Variants in ASIC2 observed in about 807,000 individuals in gnomAD.
The protein encoded by ASIC2 is acid sensing ion channel subunit 2.
Under a neutral mutation model 57.3 loss-of-function variants are expected in ASIC2, and 25 were observed. The ratio of observed to expected loss-of-function variants is 0.44; its 90% CI spans 0.32 to 0.61. ASIC2 has a LOEUF of 0.61. Among genes scored for constraint, ASIC2 ranks in the 20% least tolerant of loss-of-function variants. The pLI is 0.06. For synonymous variants in ASIC2, 319 were observed against 307.5 expected (o/e 1.04, Z -0.39); for missense variants, 641 against 738.1 (o/e 0.87, Z 1.52).
At chr17:33,712,880 C>T (rs919766181) in intron 1 of ASIC2, among the ~76,000 whole-genome samples, 2 of 151,758 alleles carry the variant, frequency 1.3e-5, no homozygotes, top group Non-Finnish European at 2.9e-5. Context: ...CTCCTGACCT[C>T]GTGATCCGCC....
At chr17:33,405,457 C>CCTTT (rs146368861) in intron 1 of ASIC2, among the ~76,000 whole-genome samples, 1 of 150,282 alleles carries the variant, frequency 6.7e-6, no homozygotes, top group South Asian at 2.1e-4. Context: ...AGATAGCACT[C>CCTTT]CTTTCTTTCT....
intron 1 of ASIC2, among the ~76,000 whole-genome samples, chr17:33,490,214 C>A (rs889213035): frequency 6.6e-6 from 1 of 152,310 alleles, no homozygotes; most frequent in East Asian, 1.9e-4. Flanking sequence ...GCCTGCAAGG[C>A]CCAAAATATT....
intron 1 of ASIC2, among the ~76,000 whole-genome samples, chr17:33,512,089 A>G (rs1024027917): frequency 5.3e-5 from 8 of 152,176 alleles, no homozygotes; most frequent in Non-Finnish European, 1.0e-4. Context: ...GCTTAATAGT[A>G]GGTAGTATTG....
At chr17:33,952,567 TTGA>T (rs1327339711) in intron 1 of ASIC2, among the ~76,000 whole-genome samples, 1 of 152,218 alleles carries the variant, frequency 6.6e-6, no homozygotes, top group Non-Finnish European at 1.5e-5. Flanking sequence ...GCCTGGGTCC[TTGA>T]TGATATCATC....
intron 1 of ASIC2, among the ~76,000 whole-genome samples, chr17:33,332,125 T>C (rs1234302602): frequency 1.3e-5 from 2 of 152,234 alleles, no homozygotes; most frequent in African/African-American, 4.8e-5. Context: ...GTTGACCAAG[T>C]GGTGCCTGCA....
intron 1 of ASIC2, among the ~76,000 whole-genome samples, chr17:33,430,770 TA>T (rs1911384443): frequency 6.6e-6 from 1 of 152,146 alleles, no homozygotes; most frequent in African/African-American, 2.4e-5. Flanking sequence ...AACAAACGAT[TA>T]AAAAACTGTA....
intron 1 of ASIC2, among the ~76,000 whole-genome samples, chr17:33,995,199 T>G (rs1567781681): frequency 6.6e-6 from 1 of 152,314 alleles, no homozygotes; most frequent in East Asian, 1.9e-4. Flanking sequence ...ATTTTATCTC[T>G]CTGATAAATT....
intron 1 of ASIC2, among the ~76,000 whole-genome samples, chr17:33,211,291 C>G (rs1018989515): frequency 2.0e-5 from 3 of 152,096 alleles, no homozygotes; most frequent in African/African-American, 7.2e-5. Context: ...GAGCTGTGCT[C>G]ACCTTTCCCA....
At chr17:33,938,647 G>A (rs1343356702) in intron 1 of ASIC2, among the ~76,000 whole-genome samples, 1 of 151,752 alleles carries the variant, frequency 6.6e-6, no homozygotes, top group African/African-American at 2.4e-5. Context: ...CAAACAATTA[G>A]CATAGGGTGG....
At chr17:33,626,615 A>T (rs1439445266) in intron 1 of ASIC2, among the ~76,000 whole-genome samples, 2 of 152,106 alleles carry the variant, frequency 1.3e-5, no homozygotes, top group Middle Eastern at 3.2e-3. Context: ...AGGGGAGGGG[A>T]TGCCCTAATC....
intron 1 of ASIC2, among the ~76,000 whole-genome samples, chr17:33,691,421 T>C (rs1908364687): frequency 6.6e-6 from 1 of 152,224 alleles, no homozygotes; most frequent in Admixed American, 6.5e-5. Context: ...GCCAGTGTGA[T>C]AGGAAAAACA....
intron 1 of ASIC2, among the ~76,000 whole-genome samples, chr17:33,318,535 C>T (rs1462485786): frequency 6.6e-6 from 1 of 152,234 alleles, no homozygotes; most frequent in Non-Finnish European, 1.5e-5. Flanking sequence ...AAATAGTTTT[C>T]CAGGGGAGAA....
intron 1 of ASIC2, among the ~76,000 whole-genome samples, chr17:33,158,349 C>T (rs943497785): frequency 6.6e-6 from 1 of 152,186 alleles, no homozygotes; most frequent in Non-Finnish European, 1.5e-5. Context: ...GACTTCTGAG[C>T]AGCGGCTAGT....
chr17:33,958,497 C>A (rs1904814194), intron 1 of ASIC2, among the ~76,000 whole-genome samples: 1 of 152,174 alleles, frequency 6.6e-6, no homozygotes, highest in South Asian at 2.1e-4. Flanking sequence ...AGGACCAACA[C>A]CACATGGAAG....
chr17:33,523,599 A>G (rs1914805212), intron 1 of ASIC2, among the ~76,000 whole-genome samples: 1 of 152,192 alleles, frequency 6.6e-6, no homozygotes, highest in African/African-American at 2.4e-5. Context: ...TAGAGGTTTA[A>G]GTAGCATAAT....
At chr17:33,239,713 G>A (rs1246057441) in intron 1 of ASIC2, among the ~76,000 whole-genome samples, 2 of 152,156 alleles carry the variant, frequency 1.3e-5, no homozygotes, top group African/African-American at 4.8e-5. Flanking sequence ...TTAGAAGAAG[G>A]TTTGCTGAGA....
At chr17:33,620,827 T>A (rs1905769251) in intron 1 of ASIC2, among the ~76,000 whole-genome samples, 1 of 152,122 alleles carries the variant, frequency 6.6e-6, no homozygotes, top group African/African-American at 2.4e-5. Context: ...CTTTTATCCA[T>A]CTTGTGAATC....
intron 1 of ASIC2, among the ~76,000 whole-genome samples, chr17:33,229,025 T>C (rs1474718516): frequency 6.6e-6 from 1 of 152,130 alleles, no homozygotes; most frequent in Non-Finnish European, 1.5e-5. Context: ...AGAAGTTTCA[T>C]CCAGAGGAGG....
At chr17:33,570,626 C>T (rs1346573939) in intron 1 of ASIC2, among the ~76,000 whole-genome samples, 3 of 152,220 alleles carry the variant, frequency 2.0e-5, no homozygotes, top group African/African-American at 7.2e-5. Flanking sequence ...TTAGTTACTT[C>T]TTGCTGTGTA....
Sources: allele counts gnomAD v4.1 joint callset (sites outside exome capture counted in the v4.1 genomes callset), GRCh38; gene constraint gnomAD v4.1.1; transcripts MANE v1.5; gene names NCBI Gene and HGNC (gene_info 2026-07-23, HGNC 2026-07-21).